SCD5: variants seen among roughly 807,000 people sequenced by gnomAD.
SCD5 encodes acyl-CoA-desaturase 4.
Under a neutral mutation model 30.4 loss-of-function variants are expected in SCD5, and 20 were observed. That is an observed-to-expected ratio of 0.66 (90% CI 0.46 to 0.96). The LOEUF is 0.96. SCD5 is among the 40% of genes least tolerant of loss of function. SCD5 has a pLI of 0.00. For missense variants in SCD5, 381 were observed against 443.3 expected (o/e 0.86, Z 1.26); for synonymous variants, 173 against 176.4 (o/e 0.98, Z 0.16).
Position 82,747,082 on chromosome 4 carries a change from G to C in SCD5, c.233-41669C>G, listed in dbSNP as rs558205137. 4.9e-4 allele frequency among the ~76,000 whole-genome samples: 55 copies of C among 112,010 alleles called. 1 individual carries two copies. The South Asian group carries it at 0.018, about 36-fold the overall frequency. 73.5% of individuals were successfully genotyped at this position (112,010 alleles called of 152,430 possible). Reference sequence around the variant, plus strand: ...TCTGGGCAACCTGCCCCCCAAGAAAGACGACCTTCCCACTCCATCCCCTGC... The same window carrying C: ...TCTGGGCAACCTGCCCCCCAAGAAACACGACCTTCCCACTCCATCCCCTGC... On this transcript the variant is annotated intron_variant, in intron 1 of 4. Coordinates refer to ENST00000319540, the MANE Select transcript of SCD5 (RefSeq NM_001037582.3).
intron 1 of SCD5, among the ~76,000 whole-genome samples, chr4:82,714,843 T>G (rs886861335): frequency 6.6e-6 from 1 of 152,020 alleles, no homozygotes; most frequent in African/African-American, 2.4e-5. Flanking sequence ...ATATAAAATC[T>G]AAAACACTTC....
chr4:82,697,994 T>C (rs1320867017), intron 2 of SCD5: 2 of 456,712 alleles, frequency 4.4e-6, no homozygotes, highest in Admixed American at 2.3e-5. Flanking sequence ...AAGAAGATAA[T>C]GTGAGGCATG....
chr4:82,653,070 C>T lies in SCD5; in HGVS notation c.570-16247G>A, dbSNP rs76168634. ...TGGGGGGACTGAGACAGGAGGATCG[C>T]CTGAGCCTGGGAGGTGGAGGCTCCA... On this transcript the variant is annotated intron_variant, in intron 3 of 4. Coordinates refer to ENST00000319540, the MANE Select transcript of SCD5 (RefSeq NM_001037582.3). Among the ~76,000 whole-genome samples, 591 of 152,248 alleles carry T rather than the reference C, an allele frequency of 3.9e-3. 6 individuals carry two copies. Among genetic ancestry groups the T allele is most frequent in the South Asian group, 0.031 (149 of 4,820 alleles).
At chr4:82,759,751 G>A (rs2148845543) in intron 1 of SCD5, among the ~76,000 whole-genome samples, 1 of 151,326 alleles carries the variant, frequency 6.6e-6, no homozygotes, top group Middle Eastern at 3.5e-3. Context: ...TACAAAGTAA[G>A]TCCTTCCACC....
chr4:82,682,738 G>A lies in SCD5; in HGVS notation c.364-1826C>T, dbSNP rs892944455. On this transcript the variant is annotated intron_variant, in intron 2 of 4. Transcript: ENST00000319540. ...CACATAGCTCTCTGTAGCCTTGACC[G>A]TCTGGGCTCAAGTGATCCTCCCACC... Among the ~76,000 whole-genome samples the A allele has an allele frequency of 6.6e-5, 10 of 152,180 alleles. No individual in the cohort carries two copies. The East Asian group carries it at 9.7e-4, about 15-fold the overall frequency.
chr4:82,730,724 T>C (rs979968654), intron 1 of SCD5, among the ~76,000 whole-genome samples: 1 of 151,584 alleles, frequency 6.6e-6, no homozygotes, highest in African/African-American at 2.4e-5. Context: ...TAGCTGGGAC[T>C]ACAGGCACCC....
chr4:82,665,073 TA>T (rs1310129636), intron 3 of SCD5, among the ~76,000 whole-genome samples: 3 of 19,692 alleles, frequency 1.5e-4, no homozygotes, highest in African/African-American at 1.3e-3. Context: ...TATATATATA[TA>T]TATTTTTTTT....
At chr4:82,639,386 G>A (rs1034099919) in intron 3 of SCD5, among the ~76,000 whole-genome samples, 4 of 152,204 alleles carry the variant, frequency 2.6e-5, no homozygotes, top group Admixed American at 2.6e-4. Flanking sequence ...CTGGGTGGAG[G>A]GAGAAGGTCA....
intron 1 of SCD5, among the ~76,000 whole-genome samples, chr4:82,721,043 C>G (rs372592387): frequency 1.2e-4 from 19 of 152,200 alleles, no homozygotes; most frequent in Admixed American, 3.3e-4. Context: ...GCCTGTAGTT[C>G]CAGCTACTCA....
intron 1 of SCD5, among the ~76,000 whole-genome samples, chr4:82,779,437 T>C (rs1721823451): frequency 6.6e-6 from 1 of 152,216 alleles, no homozygotes; most frequent in African/African-American, 2.4e-5. Flanking sequence ...TTTAGTCCAG[T>C]GAAACCTAGG....
At chr4:82,680,558 T>G (rs1444765846) in intron 3 of SCD5, 149 bp downstream of exon 3, 17 of 703,034 alleles carry the variant, frequency 2.4e-5, no homozygotes, top group Non-Finnish European at 3.7e-5. Flanking sequence ...AAAAGGAAAT[T>G]AATAAATAGA....
intron 3 of SCD5, among the ~76,000 whole-genome samples, chr4:82,669,768 A>G (rs568176135): frequency 6.6e-6 from 1 of 152,324 alleles, no homozygotes; most frequent in Non-Finnish European, 1.5e-5. Flanking sequence ...GAAATATACC[A>G]GAGTATTCTG....
chr4:82,642,045 G>C (rs1727556957), intron 3 of SCD5, among the ~76,000 whole-genome samples: 1 of 152,130 alleles, frequency 6.6e-6, no homozygotes, highest in Non-Finnish European at 1.5e-5. Flanking sequence ...ATGTGCCCTA[G>C]AGAGAGATGG....
chr4:82,699,656 C>T (rs761814191), intron 2 of SCD5, among the ~76,000 whole-genome samples: 6 of 149,036 alleles, frequency 4.0e-5, no homozygotes, highest in Non-Finnish European at 7.4e-5. Context: ...AATCCCAGCA[C>T]TTTGTTATTT....
chr4:82,753,267 C>T (rs1286434180), intron 1 of SCD5: 3 of 474,260 alleles, frequency 6.3e-6, no homozygotes, highest in African/African-American at 2.0e-5. Flanking sequence ...CAAATTAATC[C>T]ACATTCTCTA....
At chr4:82,665,074 A>T (rs1297340848) in intron 3 of SCD5, among the ~76,000 whole-genome samples, 19 of 79,650 alleles carry the variant, frequency 2.4e-4, no homozygotes, top group South Asian at 1.6e-3. Flanking sequence ...ATATATATAT[A>T]TATTTTTTTT....
Position 82,636,820 on chromosome 4 carries a change from G to A in SCD5, c.573C>T (p.Tyr191=), listed in dbSNP as rs1727442661. 3 of 1,609,264 alleles carry A rather than the reference G, an allele frequency of 1.9e-6. No individual in the cohort carries two copies. The highest frequency in any genetic ancestry group is 2.5e-6 in the Non-Finnish European group (3 of 1,177,490). ...ACATGAGCACCACGGAGATCTTATAGTACCTACAGGGCAAGACACCATATC... is the reference window on the plus strand; with the variant it reads ...ACATGAGCACCACGGAGATCTTATAATACCTACAGGGCAAGACACCATATC... ...ADPVVRIQRK[Y]YKISVVLMCF... The change falls in exon 4 of 5, where the codon TAC becomes TAT. Residue 191 remains tyrosine, a synonymous_variant. Coordinates refer to ENST00000319540, the MANE Select transcript of SCD5 (RefSeq NM_001037582.3).
intron 4 of SCD5, among the ~76,000 whole-genome samples, chr4:82,635,357 C>T (rs1727401935): frequency 6.6e-6 from 1 of 152,146 alleles, no homozygotes; most frequent in Admixed American, 6.5e-5. Context: ...CGGTGGCTCA[C>T]GCCTGTAATC....
At chr4:82,689,957 T>C (rs986507639) in intron 2 of SCD5, among the ~76,000 whole-genome samples, 4 of 152,164 alleles carry the variant, frequency 2.6e-5, no homozygotes, top group Non-Finnish European at 5.9e-5. Flanking sequence ...TGGAGGAACA[T>C]TCTACAACTT....
Sources: allele counts gnomAD v4.1 joint callset (sites outside exome capture counted in the v4.1 genomes callset), GRCh38; gene constraint gnomAD v4.1.1; transcripts MANE v1.5; gene names NCBI Gene and HGNC (gene_info 2026-07-23, HGNC 2026-07-21).